OTUD7A: variants seen among roughly 807,000 people sequenced by gnomAD.
The protein encoded by OTUD7A is OTU deubiquitinase 7A, also known as OTU domain-containing protein 7A.
A neutral mutation model predicts 65.7 loss-of-function variants in OTUD7A; 12 were observed. That is an observed-to-expected ratio of 0.18 (90% CI 0.12 to 0.30). The LOEUF is 0.30. Ranked by LOEUF, OTUD7A falls within the 10% of genes least tolerant of loss-of-function variation. The probability of loss-of-function intolerance (pLI) is 1.00; values close to 1 mark genes in which losing one functional copy is unlikely to be tolerated. For missense variants in OTUD7A, 1,148 were observed against 1,304.8 expected (o/e 0.88, Z 1.85); for synonymous variants, 641 against 586.3 (o/e 1.09, Z -1.35).
At chr15:31,843,437 C>A (rs1897232327) in intron 1 of OTUD7A, among the ~76,000 whole-genome samples, 1 of 151,700 alleles carries the variant, frequency 6.6e-6, no homozygotes. Context: ...GATTTTTCCA[C>A]ACCTATGCTA....
chr15:31,570,235 G>T (rs538310012), intron 3 of OTUD7A, 38 bp from the exon 4 acceptor site: 16 of 1,598,856 alleles, frequency 1.0e-5, no homozygotes, highest in Admixed American at 1.7e-5. Context: ...CAATACGAAC[G>T]CATGAATAAC....
At chr15:31,699,370 C>A (rs1027084408) in intron 1 of OTUD7A, among the ~76,000 whole-genome samples, 3 of 152,174 alleles carry the variant, frequency 2.0e-5, no homozygotes, top group Admixed American at 6.6e-5. Context: ...TGAGCCATCA[C>A]GCTCAGCCAA....
intron 3 of OTUD7A, among the ~76,000 whole-genome samples, chr15:31,603,986 A>G (rs1057334162): frequency 1.1e-4 from 17 of 152,228 alleles, no homozygotes; most frequent in African/African-American, 4.1e-4. Flanking sequence ...ATACTTTTAC[A>G]CTGTTGGTGG....
intron 1 of OTUD7A, among the ~76,000 whole-genome samples, chr15:31,782,951 C>A (rs546627811): frequency 2.6e-4 from 40 of 152,034 alleles, no homozygotes; most frequent in Non-Finnish European, 5.0e-4. Flanking sequence ...GGAACCTGCA[C>A]AAAACTGGTA....
chr15:31,869,553 G>A (rs963940174), intron 1 of OTUD7A, among the ~76,000 whole-genome samples: 4 of 152,222 alleles, frequency 2.6e-5, no homozygotes, highest in Admixed American at 2.0e-4. Context: ...TGTCATACAT[G>A]ACTTTCCCCT....
chr15:31,564,387 G>GTTTTTTTTTTTTTTTTTTTTTT (rs398026753), intron 4 of OTUD7A, among the ~76,000 whole-genome samples: 21 of 119,900 alleles, frequency 1.8e-4, no homozygotes, highest in African/African-American at 2.9e-4. Context: ...TTTGAGGAAG[G>GTTTTTTTTTTTTTTTTTTTTTT]TTTTTTTTTT....
At chr15:31,815,918 C>T (rs1896537182) in intron 1 of OTUD7A, among the ~76,000 whole-genome samples, 1 of 152,226 alleles carries the variant, frequency 6.6e-6, no homozygotes, top group African/African-American at 2.4e-5. Flanking sequence ...GAAAGGTCCC[C>T]ACCATGTTCC....
chr15:31,496,450 C>T (rs1357257247), intron 10 of OTUD7A, among the ~76,000 whole-genome samples: 1 of 152,118 alleles, frequency 6.6e-6, no homozygotes, highest in Admixed American at 6.5e-5. Context: ...TCTTGATCTC[C>T]TGACCTCGTG....
At chr15:31,523,404 C>T (rs1595581169) in intron 8 of OTUD7A, among the ~76,000 whole-genome samples, 1 of 152,156 alleles carries the variant, frequency 6.6e-6, no homozygotes, top group East Asian at 1.9e-4. Context: ...TTTGGGTCTT[C>T]AGAGCTCTCT....
chr15:31,588,740 T>A lies in OTUD7A; in HGVS notation c.152-18543A>T, dbSNP rs577364988. Among the ~76,000 whole-genome samples the A allele has an allele frequency of 2.3e-4, 35 of 152,310 alleles. 2 individuals carry two copies. In the South Asian group the frequency reaches 6.2e-3, roughly 27 times the overall value. On this transcript the variant is annotated intron_variant, in intron 3 of 12. Coordinates refer to ENST00000307050, the MANE Select transcript of OTUD7A (RefSeq NM_001382637.1). The stretch of plus-strand genomic sequence containing the variant: ...TCATCCAGGGATCCAGGTACCATCT[T>A]CCACACGTGGCTTCCAAGGCTGCCT...
intron 4 of OTUD7A, among the ~76,000 whole-genome samples, chr15:31,559,879 G>A (rs1888634583): frequency 6.6e-6 from 1 of 152,216 alleles, no homozygotes; most frequent in African/African-American, 2.4e-5. Context: ...CTCTGCAACA[G>A]CCCTTATATC....
intron 1 of OTUD7A, among the ~76,000 whole-genome samples, chr15:31,845,281 C>T (rs1274669731): frequency 6.6e-6 from 1 of 152,216 alleles, no homozygotes; most frequent in Non-Finnish European, 1.5e-5. Context: ...GTTCCATGTC[C>T]TGTACCTCTC....
chr15:31,688,925 G>C (rs1417233665), intron 1 of OTUD7A, among the ~76,000 whole-genome samples: 2 of 152,188 alleles, frequency 1.3e-5, no homozygotes, highest in Non-Finnish European at 2.9e-5. Flanking sequence ...GAGTCATAAA[G>C]CAAAAGAATG....
At chr15:31,612,671 C>T (rs1566943845) in intron 3 of OTUD7A, among the ~76,000 whole-genome samples, 1 of 152,160 alleles carries the variant, frequency 6.6e-6, no homozygotes, top group Non-Finnish European at 1.5e-5. Flanking sequence ...AAACACGTCC[C>T]ATGCTCATGG....
At chr15:31,485,961 G>C (rs58905367) in intron 12 of OTUD7A, among the ~76,000 whole-genome samples, 3 of 152,176 alleles carry the variant, frequency 2.0e-5, no homozygotes, top group Non-Finnish European at 4.4e-5. Flanking sequence ...AAGTGTCTCA[G>C]ACTGGTGCGT....
At chr15:31,582,766 T>C (rs985910318) in intron 3 of OTUD7A, among the ~76,000 whole-genome samples, 9 of 152,024 alleles carry the variant, frequency 5.9e-5, no homozygotes, top group African/African-American at 1.9e-4. Context: ...GGTGGGAACA[T>C]AGCAAAACCA....
intron 3 of OTUD7A, among the ~76,000 whole-genome samples, chr15:31,619,818 G>C (rs1278998904): frequency 6.6e-6 from 1 of 152,180 alleles, no homozygotes; most frequent in East Asian, 1.9e-4. Flanking sequence ...AATAGGAATG[G>C]TGAGAGAGGG....
intron 1 of OTUD7A, among the ~76,000 whole-genome samples, chr15:31,674,608 A>G (rs894937552): frequency 1.2e-4 from 19 of 152,154 alleles, no homozygotes; most frequent in African/African-American, 4.6e-4. Flanking sequence ...AATTGGTAAA[A>G]GCCCGTTATT....
At chr15:31,691,135 GAATT>G (rs1164137658) in intron 1 of OTUD7A, among the ~76,000 whole-genome samples, 49 of 152,240 alleles carry the variant, frequency 3.2e-4, no homozygotes, top group African/African-American at 1.0e-3. Flanking sequence ...TGGATTAGAA[GAATT>G]AATATTGTTA....
Sources: gnomAD v4.1 joint callset for allele counts (sites outside exome capture counted in the v4.1 genomes callset) on GRCh38, gnomAD v4.1.1 for gene constraint, MANE v1.5 for transcripts, NCBI Gene and HGNC (gene_info 2026-07-23, HGNC 2026-07-21) for gene names.